TMEM33: variants seen among roughly 807,000 people sequenced by gnomAD.
The protein encoded by TMEM33 is transmembrane protein 33.
A neutral mutation model predicts 29.7 loss-of-function variants in TMEM33; 16 were observed. That is an observed-to-expected ratio of 0.54 (90% confidence interval 0.36 to 0.82). The LOEUF (loss-of-function observed/expected upper bound fraction) is 0.82, where lower values mean the gene tolerates loss of function less well. TMEM33 is among the 40% of genes least tolerant of loss of function. TMEM33 has a pLI of 0.00. For synonymous variants in TMEM33, 112 were observed against 109.4 expected (o/e 1.02, Z -0.15); for missense variants, 252 against 295.3 (o/e 0.85, Z 1.08).
At position 41,960,022 on chromosome 4, in the gene TMEM33, GA is replaced by G. The variant is rs1713411163; in HGVS notation, c.*5828del. ...ACTATATAAATTTATAAAATAAATT[GA>G]AAAATTCATTCCCCTGTATTCAAGA... is the stretch of plus-strand genomic sequence containing the variant. On this transcript the variant is annotated 3_prime_UTR_variant, in exon 7 of 7. Transcript: ENST00000504986. 4 of 152,088 alleles carry G rather than the reference GA, an allele frequency of 2.6e-5. No individual in the cohort carries two copies. The highest frequency in any genetic ancestry group is 1.5e-5 in the Non-Finnish European group (1 of 68,006). The allele number at this position is 152,088 out of a possible 1,614,324, so 9.4% of individuals were successfully genotyped here.
At chr4:41,946,494 A>G (rs981367040) in intron 5 of TMEM33, among the ~76,000 whole-genome samples, 2 of 152,174 alleles carry the variant, frequency 1.3e-5, no homozygotes, top group African/African-American at 4.8e-5. Flanking sequence ...TTATAAATAT[A>G]TATCTGTTTC....
At chr4:41,948,841 T>G (rs1258671397) in intron 5 of TMEM33, among the ~76,000 whole-genome samples, 1 of 152,070 alleles carries the variant, frequency 6.6e-6, no homozygotes, top group Non-Finnish European at 1.5e-5. Context: ...TGTAATTGTG[T>G]TTTTTAACCA....
Position 41,954,555 on chromosome 4 carries a change from T to C in TMEM33, c.*356T>C, listed in dbSNP as rs1199977138. The C allele has an allele frequency of 6.0e-6, 1 of 166,432 alleles. No homozygotes were observed. Among genetic ancestry groups the C allele is most frequent in the Non-Finnish European group, 1.3e-5 (1 of 76,018 alleles). The allele number at this position is 166,432 out of a possible 1,614,324, so 10.3% of individuals were successfully genotyped here. A position where few individuals can be genotyped will look rare whatever the true frequency, so the allele number is the denominator to read the frequency against. ...CAACCTAATTGGTAACCTGAGTTTA[T>C]ATCTGGCATGAATTCATTATGGTGA... On this transcript the variant is annotated 3_prime_UTR_variant, in exon 7 of 7. Coordinates refer to ENST00000504986, the MANE Select transcript of TMEM33 (RefSeq NM_018126.3).
intron 3 of TMEM33, chr4:41,939,977 T>C (rs1638908118): frequency 8.6e-6 from 3 of 347,272 alleles, no homozygotes; most frequent in South Asian, 2.3e-5. Flanking sequence ...TGTGGGATGA[T>C]ACTGGGTAGT....
At position 41,935,430 on chromosome 4, in the gene TMEM33, T is replaced by C; in HGVS notation, c.-55T>C. 1 of 1,561,164 alleles carries C rather than the reference T, an allele frequency of 6.4e-7. No individual in the cohort carries two copies. The highest frequency in any genetic ancestry group is 1.9e-4 in the Middle Eastern group (1 of 5,346). ...CTGGCCCCAGCGCTGACGTTTTCTC[T>C]CCCCTTTCTTCTCTCTTCGCGGTTG... On this transcript the variant is annotated 5_prime_UTR_variant, in exon 1 of 7. Coordinates refer to ENST00000504986, the MANE Select transcript of TMEM33 (RefSeq NM_018126.3).
At position 41,941,798 on chromosome 4, in the gene TMEM33, CCTT is replaced by C. The variant is rs759577880; in HGVS notation, c.329-1942_329-1940del. Among the ~76,000 whole-genome samples, 119 of 152,258 alleles carry C rather than the reference CCTT, an allele frequency of 7.8e-4. 1 individual carries two copies. The highest frequency in any genetic ancestry group is 1.4e-3 in the Non-Finnish European group (93 of 68,018). Reference sequence around the variant, plus strand: ...TAATATTACAGATTTGCGTTCTGATCCTTCTTCTTATAAAAGTGATATTTTGTC... The same window carrying C: ...TAATATTACAGATTTGCGTTCTGATCCTTCTTATAAAAGTGATATTTTGTC... On this transcript the variant is annotated intron_variant, in intron 3 of 6. Transcript: ENST00000504986.
At chr4:41,935,313 G>A (rs1231359619), upstream of TMEM33, 29 of 728,668 alleles carry the variant, frequency 4.0e-5, no homozygotes, top group Non-Finnish European at 6.9e-5. Flanking sequence ...TGCACCAGGC[G>A]AGCGAGACCC....
Position 41,958,345 on chromosome 4 carries a change from C to G in TMEM33, c.*4146C>G, listed in dbSNP as rs972570776. The G allele has an allele frequency of 6.6e-6, 1 of 152,108 alleles. No homozygotes were observed. The highest frequency in any genetic ancestry group is 1.5e-5 in the Non-Finnish European group (1 of 68,046). 9.4% of individuals were successfully genotyped at this position (152,108 alleles called of 1,614,324 possible). A position where few individuals can be genotyped will look rare whatever the true frequency, so the allele number is the denominator to read the frequency against. On this transcript the variant is annotated 3_prime_UTR_variant, in exon 7 of 7. Transcript: ENST00000504986. The stretch of plus-strand genomic sequence containing the variant: ...ATACTGAATTATTCAAAAGAAGTAC[C>G]CTGTCAATATGTGCTTTCTAGGAAA...
At chr4:41,943,176 C>T (rs1175031589) in intron 3 of TMEM33, among the ~76,000 whole-genome samples, 2 of 152,122 alleles carry the variant, frequency 1.3e-5, no homozygotes, top group Non-Finnish European at 2.9e-5. Flanking sequence ...TACATTGTTA[C>T]CCAGTAGAAA....
At chr4:41,944,718 G>T in intron 4 of TMEM33, 75 bp from the exon 5 acceptor site, 1 of 1,547,504 alleles carries the variant, frequency 6.5e-7, no homozygotes, top group Non-Finnish European at 8.8e-7. Context: ...TGGATAGGCT[G>T]TTTACCTACA....
rs1216954637 is a variant in TMEM33, at chr4:41,955,961, A to T, written c.*1762A>T. 2 of 152,268 alleles carry T rather than the reference A, an allele frequency of 1.3e-5. No individual in the cohort carries two copies. Among genetic ancestry groups the T allele is most frequent in the Non-Finnish European group, 2.9e-5 (2 of 68,002 alleles). The allele number at this position is 152,268 out of a possible 1,614,324, so 9.4% of individuals were successfully genotyped here. On this transcript the variant is annotated 3_prime_UTR_variant, in exon 7 of 7. Transcript: ENST00000504986. The stretch of plus-strand genomic sequence containing the variant: ...AGATTTATAGAAGAGTCAGAAATGT[A>T]CAAGAGAGTTTTTTTGTTGTTGTTT...
At chr4:41,943,997 G>C (rs916395007) in intron 4 of TMEM33, 183 bp downstream of exon 4, 16 of 559,914 alleles carry the variant, frequency 2.9e-5, no homozygotes, top group African/African-American at 5.8e-5. Flanking sequence ...TCACAAACTA[G>C]AACATTTTAT....
At position 41,943,769 on chromosome 4, in the gene TMEM33, A is replaced by G. The variant is rs571073263; in HGVS notation, c.351A>G (p.Leu117=). 1.6e-5 allele frequency: 26 copies of G among 1,613,842 alleles called. No individual in the cohort carries two copies. In the South Asian group the frequency reaches 2.9e-4, roughly 18 times the overall value. ...PVTMSIFPVL[L]FSLLHAATYT... ...TAGTGAGTATCTTCCCAGTCTTGTT[A>G]TTCTCTTTGCTTCATGCTGCCACAT... The change falls in exon 4 of 7, where the codon TTA becomes TTG. Residue 117 remains leucine (L), a synonymous_variant. Coordinates refer to ENST00000504986, the MANE Select transcript of TMEM33 (RefSeq NM_018126.3).
chr4:41,943,921 C>T (rs1577650543), intron 4 of TMEM33, 107 bp downstream of exon 4: 1 of 940,782 alleles, frequency 1.1e-6, no homozygotes, highest in Non-Finnish European at 1.6e-6. Context: ...CTATACCTTA[C>T]AAACTTGTTA....
At chr4:41,953,689 A>G (rs946507331) in intron 6 of TMEM33, 1 of 451,518 alleles carries the variant, frequency 2.2e-6, no homozygotes, top group African/African-American at 2.0e-5. Context: ...AAGAATAGGT[A>G]GGTCTGAGGA....
rs1387015565 is a variant in TMEM33 at position 41,958,599 on chromosome 4, G to C, written c.*4400G>C. On this transcript the variant is annotated 3_prime_UTR_variant, in exon 7 of 7. Coordinates refer to ENST00000504986, the MANE Select transcript of TMEM33 (RefSeq NM_018126.3). Reference sequence around the variant, plus strand: ...TCTTTTAAAATTTAGACTTTTGATAGTAATATAAAAGCATATTGAAATTTG... The same window carrying C: ...TCTTTTAAAATTTAGACTTTTGATACTAATATAAAAGCATATTGAAATTTG... 1 of 148,724 alleles carries C rather than the reference G, an allele frequency of 6.7e-6. No individual in the cohort carries two copies. Among genetic ancestry groups the C allele is most frequent in the East Asian group, 2.0e-4 (1 of 4,896 alleles). The allele number at this position is 148,724 out of a possible 1,614,324, so 9.2% of individuals were successfully genotyped here.
In TMEM33 at chr4:41,955,388, C is replaced by T. The variant is rs951998064; in HGVS notation, c.*1189C>T. 6 of 152,348 alleles carry T rather than the reference C, an allele frequency of 3.9e-5. No homozygotes were observed. The highest frequency in any genetic ancestry group is 8.8e-5 in the Non-Finnish European group (6 of 68,022). 9.4% of individuals were successfully genotyped at this position (152,348 alleles called of 1,614,324 possible). On this transcript the variant is annotated 3_prime_UTR_variant, in exon 7 of 7. Coordinates refer to ENST00000504986, the MANE Select transcript of TMEM33 (RefSeq NM_018126.3). ...ATCCTGTTCATTGAACTCCCATCAA[C>T]TCTTATAAAATTCATGCTGATCTTC... is the stretch of plus-strand genomic sequence containing the variant.
intron 5 of TMEM33, 26 bp downstream of exon 5, chr4:41,944,952 G>T: frequency 6.2e-7 from 1 of 1,605,986 alleles, no homozygotes; most frequent in Non-Finnish European, 8.5e-7. Flanking sequence ...ATTTGTTTTG[G>T]GAGGCTGATG....
chr4:41,949,497 C>T, intron 6 of TMEM33, 112 bp downstream of exon 6: 2 of 852,150 alleles, frequency 2.3e-6, no homozygotes, highest in Non-Finnish European at 3.5e-6. Context: ...TAGAAGCAAG[C>T]AGTGTTTTTG....
Sources: allele counts gnomAD v4.1 joint callset (sites outside exome capture counted in the v4.1 genomes callset), GRCh38; gene constraint gnomAD v4.1.1; transcripts MANE v1.5; gene names NCBI Gene and HGNC (gene_info 2026-07-23, HGNC 2026-07-21).